The following ATP9B variants were observed in gnomAD, a reference collection of about 807,000 sequenced individuals.
The protein encoded by ATP9B is probable phospholipid-transporting ATPase IIB.
ATP9B carries 110 observed loss-of-function variants against 146.1 expected under a neutral mutation model. The ratio of observed to expected loss-of-function variants is 0.75; its 90% CI spans 0.65 to 0.88. The LOEUF is 0.88. ATP9B is among the 40% of genes least tolerant of loss of function. The probability of loss-of-function intolerance (pLI) is 0.00; values close to 1 mark genes in which losing one functional copy is unlikely to be tolerated. For missense variants in ATP9B, 1,499 were observed against 1,496.4 expected (o/e 1.00, Z -0.03); for synonymous variants, 604 against 569.7 (o/e 1.06, Z -0.86).
intron 7 of ATP9B, among the ~76,000 whole-genome samples, chr18:79,156,847 G>C (rs2094790840): frequency 6.6e-6 from 1 of 152,118 alleles, no homozygotes; most frequent in Non-Finnish European, 1.5e-5. Flanking sequence ...TTCATAGTTT[G>C]TCACATGTGA....
At chr18:79,330,781 A>G (rs1326381948) in intron 17 of ATP9B, among the ~76,000 whole-genome samples, 1 of 152,236 alleles carries the variant, frequency 6.6e-6, no homozygotes, top group Non-Finnish European at 1.5e-5. Flanking sequence ...AATCTATACA[A>G]GTAGGTCCTT....
At chr18:79,091,684 T>C (rs1205876579) in intron 1 of ATP9B, among the ~76,000 whole-genome samples, 2 of 152,258 alleles carry the variant, frequency 1.3e-5, no homozygotes, top group African/African-American at 4.8e-5. Flanking sequence ...GTGAAATCTT[T>C]AGGTTTTTGC....
At chr18:79,144,066 T>A in intron 6 of ATP9B, 1 of 369,006 alleles carries the variant, frequency 2.7e-6, no homozygotes, top group Non-Finnish European at 4.8e-6. Flanking sequence ...GCAGGCAAAG[T>A]CATATTTTTT....
chr18:79,280,998 T>G lies in ATP9B; in HGVS notation c.1411+3802T>G, dbSNP rs74759763. On this transcript the variant is annotated intron_variant, in intron 13 of 29. Coordinates refer to ENST00000426216, the MANE Select transcript of ATP9B (RefSeq NM_198531.5). ...TTTTTATAGGAACTTTCCTTCATTT[T>G]TTTAAATAGAAAAACAAGAAAGCCT... Among the ~76,000 whole-genome samples, 5 of 152,310 alleles carry G rather than the reference T, an allele frequency of 3.3e-5. No homozygotes were observed. In the East Asian group the frequency reaches 9.6e-4, roughly 29 times the overall value.
Position 79,270,300 on chromosome 18 carries a change from C to CTG in ATP9B, c.1269-6753_1269-6752insGT, listed in dbSNP as rs1491187937. 1.8e-3 allele frequency among the ~76,000 whole-genome samples: 262 copies of CTG among 142,996 alleles called. 4 individuals carry two copies. In the South Asian group the frequency reaches 0.02, roughly 11 times the overall value. The allele number at this position is 142,996 out of a possible 152,430, so 93.8% of individuals were successfully genotyped here. ...CACATTCATCTATTCTATGTGGCAGCTCTGTGTGTGTGTGTGTGTCTGTGT... is the reference window on the plus strand; with the variant it reads ...CACATTCATCTATTCTATGTGGCAGCTGTCTGTGTGTGTGTGTGTGTCTGTGT... On this transcript the variant is annotated intron_variant, in intron 12 of 29. Transcript: ENST00000426216.
intron 12 of ATP9B, among the ~76,000 whole-genome samples, chr18:79,263,218 A>C (rs1299075545): frequency 6.6e-6 from 1 of 152,188 alleles, no homozygotes; most frequent in Non-Finnish European, 1.5e-5. Context: ...ATATAAATAT[A>C]TGCAGTCATC....
At chr18:79,216,223 T>C (rs1020610715) in intron 11 of ATP9B, among the ~76,000 whole-genome samples, 1 of 152,230 alleles carries the variant, frequency 6.6e-6, no homozygotes, top group African/African-American at 2.4e-5. Context: ...TTCCCATCTA[T>C]ACACCTGTTA....
intron 7 of ATP9B, among the ~76,000 whole-genome samples, chr18:79,158,439 C>T (rs554800735): frequency 1.3e-5 from 2 of 152,048 alleles, no homozygotes; most frequent in South Asian, 4.2e-4. Flanking sequence ...GCATACACCA[C>T]CACACCTGGG....
chr18:79,174,147 T>C (rs763980912), intron 7 of ATP9B: 31 of 416,202 alleles, frequency 7.4e-5, no homozygotes, highest in Non-Finnish European at 1.3e-4. Context: ...GCTCTATCTT[T>C]CTGGAAGTAA....
At chr18:79,192,947 T>C (rs904855327) in intron 8 of ATP9B, among the ~76,000 whole-genome samples, 2 of 152,112 alleles carry the variant, frequency 1.3e-5, no homozygotes, top group African/African-American at 4.8e-5. Flanking sequence ...TTTGAGTGTC[T>C]CCTGCATGAT....
intron 5 of ATP9B, among the ~76,000 whole-genome samples, chr18:79,127,107 A>G (rs1040636903): frequency 2.6e-5 from 4 of 152,204 alleles, no homozygotes; most frequent in Admixed American, 6.5e-5. Context: ...TATCTTTTGT[A>G]TGTATATAAG....
chr18:79,244,346 C>T (rs965748185), intron 11 of ATP9B, among the ~76,000 whole-genome samples: 19 of 152,284 alleles, frequency 1.2e-4, no homozygotes, highest in African/African-American at 4.6e-4. Flanking sequence ...AGCCTTTTCC[C>T]ACCATCTATG....
intron 4 of ATP9B, among the ~76,000 whole-genome samples, chr18:79,123,127 GTCTATC>G (rs1236863762): frequency 1.5e-4 from 23 of 152,202 alleles, no homozygotes; most frequent in Admixed American, 9.8e-4. Context: ...AAAGAGGACT[GTCTATC>G]TCTAGTCACA....
chr18:79,231,711 T>G (rs964381711), intron 11 of ATP9B, among the ~76,000 whole-genome samples: 3 of 149,992 alleles, frequency 2.0e-5, no homozygotes, highest in Admixed American at 1.3e-4. Flanking sequence ...AATTCACGAT[T>G]GCAAAAATAT....
chr18:79,180,082 C>G (rs2095232425), intron 8 of ATP9B, among the ~76,000 whole-genome samples: 1 of 151,902 alleles, frequency 6.6e-6, no homozygotes, highest in Non-Finnish European at 1.5e-5. Flanking sequence ...GTAATTTCAG[C>G]TTTTTTTAAA....
At chr18:79,153,104 T>C (rs1239561284) in intron 6 of ATP9B, among the ~76,000 whole-genome samples, 1 of 152,220 alleles carries the variant, frequency 6.6e-6, no homozygotes, top group Non-Finnish European at 1.5e-5. Context: ...TCCAATAACA[T>C]AGCTTTCTTC....
chr18:79,329,131 T>C lies in ATP9B; in HGVS notation c.1774-10T>C. On this transcript the variant is annotated splice_polypyrimidine_tract_variant and intron_variant, in intron 15 of 29. Transcript: ENST00000426216. The stretch of plus-strand genomic sequence containing the variant: ...CAGCGGTGGCCTCAGTTGTTGCTGG[T>C]CTCCCGTAGGTCGCTCTGGTGCAGT... 6.5e-7 allele frequency: 1 copy of C among 1,541,206 alleles called. No individual in the cohort carries two copies. Among genetic ancestry groups the C allele is most frequent in the Non-Finnish European group, 8.8e-7 (1 of 1,140,376 alleles).
At chr18:79,208,862 T>G (rs190935125) in intron 10 of ATP9B, among the ~76,000 whole-genome samples, 1 of 152,202 alleles carries the variant, frequency 6.6e-6, no homozygotes, top group African/African-American at 2.4e-5. Flanking sequence ...TTCTGGGCTC[T>G]GTAGGCCTCG....
chr18:79,215,275 G>A (rs529525861), intron 11 of ATP9B, among the ~76,000 whole-genome samples: 10 of 152,142 alleles, frequency 6.6e-5, no homozygotes, highest in Admixed American at 2.6e-4. Flanking sequence ...GTCCTAGGCC[G>A]TTTGCAGCAG....
Sources: allele counts gnomAD v4.1 joint callset (sites outside exome capture counted in the v4.1 genomes callset), GRCh38; gene constraint gnomAD v4.1.1; transcripts MANE v1.5; gene names NCBI Gene and HGNC (gene_info 2026-07-23, HGNC 2026-07-21).